C16orf96: variants seen among roughly 807,000 people sequenced by gnomAD.
C16orf96 encodes chromosome 16 open reading frame 96, also known as uncharacterized protein C16orf96.
In C16orf96, 108 loss-of-function variants were observed where a neutral mutation model predicts 103.6. That is an observed-to-expected ratio of 1.04 (90% CI 0.89 to 1.22). The LOEUF is 1.22. Among genes scored for constraint, C16orf96 ranks in the 50% most tolerant of loss-of-function variants. C16orf96 has a pLI of 0.00. For synonymous variants in C16orf96, 566 were observed against 593.5 expected (o/e 0.95, Z 0.67); for missense variants, 1,586 against 1,464.2 (o/e 1.08, Z -1.36).
intron 7 of C16orf96, among the ~76,000 whole-genome samples, 175 bp downstream of exon 7, chr16:4,580,300 G>A (rs1309629644): frequency 1.1e-5 from 1 of 94,856 alleles, no homozygotes; most frequent in Admixed American, 1.3e-4. Flanking sequence ...AAAAGCAAAC[G>A]AATCCCACCA....
chr16:4,545,327 C>T, the C16orf96 span, among the ~76,000 whole-genome samples: 7 of 152,158 alleles, frequency 4.6e-5, no homozygotes, highest in Admixed American at 6.5e-5. Context: ...CTGTCTCAGC[C>T]TCCCAAGTAG....
rs1156813282 is a variant in C16orf96, at chr16:4,594,504, T to G, written c.3021T>G (p.Tyr1007Ter). Reference sequence around the variant, plus strand: ...ACGGGGATCCCCACGTGATCGACTATGACAGCGTGAGTCTGGCCGGGGCCT... The same window carrying G: ...ACGGGGATCCCCACGTGATCGACTAGGACAGCGTGAGTCTGGCCGGGGCCT... ...YPYGDPHVIDYDSAEVDILGV... is the reference protein window; with the variant it reads ...YPYGDPHVID Residue 1007 changes from tyrosine (Y) to a stop codon, truncating the protein, a stop_gained, in exon 13 of 16, where the codon TAT becomes TAG. Coordinates refer to ENST00000444310, the MANE Select transcript of C16orf96 (RefSeq NM_001145011.2). LOFTEE classifies it high-confidence loss of function. 6.4e-7 allele frequency: 1 copy of G among 1,550,858 alleles called. No individual in the cohort carries two copies. Among genetic ancestry groups the G allele is most frequent in the Non-Finnish European group, 8.7e-7 (1 of 1,146,722 alleles).
chr16:4,576,447 G>C lies in C16orf96; in HGVS notation c.1967G>C (p.Ser656Thr), dbSNP rs2059510958. 12 of 1,551,392 alleles carry C rather than the reference G, an allele frequency of 7.7e-6. No homozygotes were observed. Among genetic ancestry groups the C allele is most frequent in the Non-Finnish European group, 1.0e-5 (12 of 1,147,022 alleles). ...CTCTCTCCCTCCTACTCTGCTGCCAGCATCGGTCCCGATCCAGCCCTGTCC... is the reference window on the plus strand; with the variant it reads ...CTCTCTCCCTCCTACTCTGCTGCCACCATCGGTCCCGATCCAGCCCTGTCC... ...EILSPSYSAA[S>T]IGPDPALSQA... Residue 656 changes from serine (S) to threonine (T), a missense_variant, in exon 5 of 16, where the codon AGC becomes ACC. Coordinates refer to ENST00000444310, the MANE Select transcript of C16orf96 (RefSeq NM_001145011.2).
At chr16:4,555,601 G>A (rs2059255227), upstream of C16orf96, among the ~76,000 whole-genome samples, 3 of 151,858 alleles carry the variant, frequency 2.0e-5, no homozygotes, top group African/African-American at 4.8e-5. Context: ...TTGAATTCCT[G>A]ACCCCGTGGT....
the C16orf96 span, among the ~76,000 whole-genome samples, chr16:4,545,787 A>G: frequency 6.6e-6 from 1 of 152,136 alleles, no homozygotes; most frequent in Non-Finnish European, 1.5e-5. Context: ...CTATTGCAAT[A>G]GTCCTGAATA....
rs1897126157 is a variant in C16orf96 at position 4,594,437 on chromosome 16, G to A, written c.2954G>A (p.Ser985Asn). ...GGTGATGGCCCCCAAAACGCCACCA[G>A]CCTCAAGTGCAAGTCCTGCAACCTG... Reference protein sequence around the residue: ...DWGDGPQNATSLKCKSCNLLT... With the variant: ...DWGDGPQNATNLKCKSCNLLT... Residue 985 changes from serine to asparagine, a missense_variant, in exon 13 of 16, where the codon AGC becomes AAC. Ser to Asn is a conservative substitution (Grantham distance 46). Coordinates refer to ENST00000444310, the MANE Select transcript of C16orf96 (RefSeq NM_001145011.2). 3 of 1,551,488 alleles carry A rather than the reference G, an allele frequency of 1.9e-6. No individual in the cohort carries two copies. Among genetic ancestry groups the A allele is most frequent in the South Asian group, 1.2e-5 (1 of 84,062 alleles).
rs559028981 is a variant in C16orf96, at chr16:4,593,437, A to G, written c.2867+121A>G. ...CCAGGGACCTAAGATTGTCCTGGAC[A>G]TGGCCAGCCCTTCGCAAGACAGGCA... On this transcript the variant is annotated intron_variant, in intron 12 of 15. Coordinates refer to ENST00000444310, the MANE Select transcript of C16orf96 (RefSeq NM_001145011.2). The surrounding 1 kb of genome is among the most constrained non-coding windows in gnomAD (Gnocchi z 4.2). The G allele has an allele frequency of 1.2e-5, 12 of 1,003,748 alleles. No homozygotes were observed. The highest frequency in any genetic ancestry group is 1.5e-5 in the Non-Finnish European group (10 of 677,482). The allele number at this position is 1,003,748 out of a possible 1,614,324, so 62.2% of individuals were successfully genotyped here. A position where few individuals can be genotyped will look rare whatever the true frequency, so the allele number is the denominator to read the frequency against.
At chr16:4,550,832 A>AT in the C16orf96 span, among the ~76,000 whole-genome samples, 28 of 151,536 alleles carry the variant, frequency 1.8e-4, no homozygotes, top group African/African-American at 6.3e-4. Context: ...TTCAGGCCAG[A>AT]TTTTTTTTTG....
chr16:4,571,449 G>A (rs1320345954), intron 1 of C16orf96, 112 bp from the exon 2 acceptor site: 2 of 850,984 alleles, frequency 2.4e-6, no homozygotes, highest in African/African-American at 1.7e-5. Context: ...CTAGGCCTTG[G>A]GAGAGCCAAG....
intron 1 of C16orf96, among the ~76,000 whole-genome samples, chr16:4,562,595 AGGT>A (rs1285948511): frequency 6.6e-6 from 1 of 152,132 alleles, no homozygotes; most frequent in Non-Finnish European, 1.5e-5. Flanking sequence ...ATTTTACACT[AGGT>A]GGTGGGCACA....
chr16:4,589,064 AAATG>A (rs1896995499), intron 9 of C16orf96, among the ~76,000 whole-genome samples: 1 of 152,154 alleles, frequency 6.6e-6, no homozygotes, highest in African/African-American at 2.4e-5. Context: ...ATGAATGAAT[AAATG>A]AATGACTGTC....
At chr16:4,563,974 G>A (rs1195906872) in intron 1 of C16orf96, among the ~76,000 whole-genome samples, 1 of 150,112 alleles carries the variant, frequency 6.7e-6, no homozygotes, top group African/African-American at 2.4e-5. Flanking sequence ...GAAGTGGGCG[G>A]ATCACCTGAG....
rs117571752 is a variant in C16orf96, at chr16:4,585,685, G to A, written c.2353-1354G>A. On this transcript the variant is annotated intron_variant, in intron 7 of 15. Coordinates refer to ENST00000444310, the MANE Select transcript of C16orf96 (RefSeq NM_001145011.2). ...AAATCACTCTTGGGGTTCTGGAGGC[G>A]GGAATTCTGAAATCAAGGTGTCATA... Among the ~76,000 whole-genome samples the A allele has an allele frequency of 5.1e-4, 78 of 152,244 alleles. No individual in the cohort carries two copies. The East Asian group carries it at 6.8e-3, about 13-fold the overall frequency.
chr16:4,565,210 A>C (rs564032673), intron 1 of C16orf96, among the ~76,000 whole-genome samples: 94 of 152,268 alleles, frequency 6.2e-4, no homozygotes, highest in Non-Finnish European at 8.2e-4. Flanking sequence ...CCCTGCCTCG[A>C]GGACTATGGC....
At position 4,575,181 on chromosome 16, in the gene C16orf96, G is replaced by T. The variant is rs1322611255; in HGVS notation, c.701G>T (p.Gly234Val). ...CTGCCCCCTCTTCTGCAGGAAATTG[G>T]TTCATCACCACTGGACCTGTGGCAG... Reference protein sequence around the residue: ...LHDAMFTSEIGSSPLDLWQSV... With the variant: ...LHDAMFTSEIVSSPLDLWQSV... The change falls in exon 5 of 16, where the codon GGT becomes GTT. Residue 234 changes from glycine (G) to valine (V), a missense_variant. Physicochemically the swap from Gly to Val is moderately radical, Grantham distance 109. Coordinates refer to ENST00000444310, the MANE Select transcript of C16orf96 (RefSeq NM_001145011.2). 6.5e-7 allele frequency: 1 copy of T among 1,545,998 alleles called. No individual in the cohort carries two copies. Among genetic ancestry groups the T allele is most frequent in the Non-Finnish European group, 8.7e-7 (1 of 1,146,620 alleles).
At chr16:4,579,202 G>C (rs534598407) in intron 6 of C16orf96, among the ~76,000 whole-genome samples, 177 bp downstream of exon 6, 27 of 19,724 alleles carry the variant, frequency 1.4e-3, no homozygotes, top group South Asian at 7.0e-3. Flanking sequence ...TCACTGGTGC[G>C]GTGGGGGGGC....
intron 5 of C16orf96, among the ~76,000 whole-genome samples, chr16:4,577,663 T>A (rs1372279273): frequency 3.4e-5 from 5 of 146,644 alleles, no homozygotes; most frequent in East Asian, 2.0e-4. Flanking sequence ...AAAAAAAAAA[T>A]TTTAAACATT....
intron 11 of C16orf96, among the ~76,000 whole-genome samples, 173 bp downstream of exon 11, chr16:4,592,540 G>A (rs1312242444): frequency 6.6e-6 from 1 of 151,924 alleles, no homozygotes; most frequent in Non-Finnish European, 1.5e-5. Flanking sequence ...CATTCTCTAT[G>A]CACCAGGTAT....
rs1596526234 is a variant in C16orf96, at chr16:4,576,435, A to C, written c.1955A>C (p.Tyr652Ser). Residue 652 changes from tyrosine (Y) to serine (S), a missense_variant, in exon 5 of 16, where the codon TAC becomes TCC. Coordinates refer to ENST00000444310, the MANE Select transcript of C16orf96 (RefSeq NM_001145011.2). ...SEIYEILSPS[Y>S]SAASIGPDPA... The stretch of plus-strand genomic sequence containing the variant: ...ATCTACGAAATCCTCTCTCCCTCCT[A>C]CTCTGCTGCCAGCATCGGTCCCGAT... 1 of 1,550,632 alleles carries C rather than the reference A, an allele frequency of 6.4e-7. No homozygotes were observed. Among genetic ancestry groups the C allele is most frequent in the Non-Finnish European group, 8.7e-7 (1 of 1,146,848 alleles).
Sources: allele counts gnomAD v4.1 joint callset (sites outside exome capture counted in the v4.1 genomes callset), GRCh38; gene constraint gnomAD v4.1.1; non-coding constraint Gnocchi (gnomAD v3.1); transcripts MANE v1.5; gene names NCBI Gene and HGNC (gene_info 2026-07-23, HGNC 2026-07-21).